Variants in KIF1B observed in about 807,000 individuals in gnomAD.
KIF1B encodes kinesin family member 1B.
A neutral mutation model predicts 241.9 loss-of-function variants in KIF1B; 76 were observed. The ratio of observed to expected loss-of-function variants is 0.31; its 90% CI spans 0.26 to 0.38. The LOEUF is 0.38. Ranked by LOEUF, KIF1B falls within the 10% of genes least tolerant of loss-of-function variation. KIF1B has a pLI of 1.00. For synonymous variants in KIF1B, 750 were observed against 796.7 expected, an observed-to-expected ratio of 0.94 and a Z score of 0.99; for missense variants, 1,622 against 2,271.4, an observed-to-expected ratio of 0.71 and a Z score of 5.81.
At chr1:10,286,062 CAG>C (rs1360767398) in intron 15 of KIF1B, among the ~76,000 whole-genome samples, 3 of 150,782 alleles carry the variant, frequency 2.0e-5, no homozygotes, top group East Asian at 1.9e-4. Context: ...TTTTTTGAGA[CAG>C]AGTCTTGCTC....
chr1:10,310,574 C>T (rs944278855), intron 22 of KIF1B, among the ~76,000 whole-genome samples: 6 of 151,578 alleles, frequency 4.0e-5, no homozygotes, highest in Admixed American at 1.3e-4. Context: ...CTGGATCTAG[C>T]CCGAAGGCCA....
intron 3 of KIF1B, 33 bp from the exon 4 acceptor site, chr1:10,258,460 A>G: frequency 6.3e-7 from 1 of 1,595,644 alleles, no homozygotes; most frequent in Non-Finnish European, 8.6e-7. Flanking sequence ...ATATTAATAA[A>G]AGGTTATTTA....
At chr1:10,369,400 G>A (rs1638662464) in intron 44 of KIF1B, among the ~76,000 whole-genome samples, 1 of 152,212 alleles carries the variant, frequency 6.6e-6, no homozygotes, top group Non-Finnish European at 1.5e-5. Flanking sequence ...AGGCCAAGAT[G>A]AGGGGATCGC....
chr1:10,281,361 C>G (rs1649396956), intron 14 of KIF1B, among the ~76,000 whole-genome samples: 1 of 152,116 alleles, frequency 6.6e-6, no homozygotes, highest in South Asian at 2.1e-4. Context: ...AAAGAAAGTA[C>G]AAACAGCAAA....
intron 19 of KIF1B, 25 bp from the exon 20 acceptor site, chr1:10,296,557 A>G (rs1269427492): frequency 1.0e-5 from 16 of 1,572,750 alleles, no homozygotes; most frequent in Non-Finnish European, 1.3e-5. Context: ...TAATGATAAC[A>G]TTAGTTTGTG....
intron 1 of KIF1B, among the ~76,000 whole-genome samples, chr1:10,215,162 A>ATT (rs1646748645): frequency 1.4e-5 from 1 of 71,234 alleles, no homozygotes; most frequent in Non-Finnish European, 2.5e-5. Context: ...ATATATATAT[A>ATT]TATATATATA....
chr1:10,302,078 T>C (rs1198421015), intron 22 of KIF1B, among the ~76,000 whole-genome samples: 1 of 152,232 alleles, frequency 6.6e-6, no homozygotes, highest in African/African-American at 2.4e-5. Context: ...TCACTTAAAG[T>C]GATATTCCTC....
Position 10,232,255 on chromosome 1 carries a change from T to G in KIF1B, c.-74T>G. Reference sequence around the variant, plus strand: ...GAATTTTTTTCTTTTCAAAGGAAACTTGGCTGTAACTTCAAAAGAAGATTT... The same window carrying G: ...GAATTTTTTTCTTTTCAAAGGAAACGTGGCTGTAACTTCAAAAGAAGATTT... On this transcript the variant is annotated 5_prime_UTR_variant, in exon 2 of 49. Transcript: ENST00000676179. The G allele has an allele frequency of 8.4e-7, 1 of 1,186,106 alleles. No individual in the cohort carries two copies. The allele number at this position is 1,186,106 out of a possible 1,614,324, so 73.5% of individuals were successfully genotyped here.
At chr1:10,211,764 T>C (rs1646696558) in intron 1 of KIF1B, 1 of 152,100 alleles carries the variant, frequency 6.6e-6, no homozygotes, top group South Asian at 2.1e-4. Context: ...GATTCCATTC[T>C]TGTTGGGGTG....
chr1:10,345,819 T>G (rs762470027), intron 34 of KIF1B, 26 bp from the exon 35 acceptor site: 2 of 1,576,102 alleles, frequency 1.3e-6, no homozygotes, highest in Admixed American at 1.7e-5. Context: ...GACCAGATTT[T>G]GACATACTCT....
intron 1 of KIF1B, among the ~76,000 whole-genome samples, chr1:10,225,872 G>C (rs1646902577): frequency 6.6e-6 from 1 of 152,146 alleles, no homozygotes; most frequent in Non-Finnish European, 1.5e-5. Flanking sequence ...GAACTTGGAG[G>C]ATTTTGAAGT....
intron 19 of KIF1B, 32 bp from the exon 20 acceptor site, chr1:10,296,550 T>G: frequency 6.5e-7 from 1 of 1,543,636 alleles, no homozygotes. Flanking sequence ...TAGTTTGTAA[T>G]GATAACATTA....
intron 27 of KIF1B, among the ~76,000 whole-genome samples, chr1:10,332,501 A>T (rs1342787591): frequency 1.4e-3 from 80 of 58,680 alleles, no homozygotes; most frequent in East Asian, 0.011. Context: ...GATAATAGTC[A>T]TTTTTTTTTT....
At chr1:10,312,052 T>C (rs12753426) in intron 22 of KIF1B, among the ~76,000 whole-genome samples, 48,532 of 150,988 alleles carry the variant, frequency 0.32, 8,410 homozygotes, top group Admixed American at 0.37. Flanking sequence ...ACCTCTGCCC[T>C]GCCTCGCCTT....
rs754917719 is a variant in KIF1B, at chr1:10,232,318, A to C, written c.-11A>C. On this transcript the variant is annotated 5_prime_UTR_variant, in exon 2 of 49. Coordinates refer to ENST00000676179, the MANE Select transcript of KIF1B (RefSeq NM_001365951.3). ...CTGGACTGCATATATATATATAACAAGGCCATTAAAATGTCGGGAGCCTCA... is the reference window on the plus strand; with the variant it reads ...CTGGACTGCATATATATATATAACACGGCCATTAAAATGTCGGGAGCCTCA... 1 of 1,565,316 alleles carries C rather than the reference A, an allele frequency of 6.4e-7. No homozygotes were observed.
At chr1:10,246,884 C>CA (rs1272386907) in intron 2 of KIF1B, among the ~76,000 whole-genome samples, 1 of 152,038 alleles carries the variant, frequency 6.6e-6, no homozygotes, top group Non-Finnish European at 1.5e-5. Context: ...TTTTTGTAGT[C>CA]AGAGTCAGAG....
At chr1:10,246,014 T>C (rs1248889918) in intron 2 of KIF1B, among the ~76,000 whole-genome samples, 1 of 152,200 alleles carries the variant, frequency 6.6e-6, no homozygotes, top group Non-Finnish European at 1.5e-5. Context: ...CTTCTAGTTC[T>C]GGGGGCTTAA....
chr1:10,324,631 C>A (rs1651654308), intron 25 of KIF1B, 127 bp from the exon 26 acceptor site: 5 of 1,117,538 alleles, frequency 4.5e-6, no homozygotes, highest in Non-Finnish European at 5.3e-6. Flanking sequence ...TTTTTAGTAA[C>A]ATTAAACAGT....
chr1:10,254,651 T>C (rs7522615), intron 2 of KIF1B, among the ~76,000 whole-genome samples: 151,473 of 151,892 alleles, frequency 1, 75,529 homozygotes, highest in Middle Eastern at 1. Flanking sequence ...CCGAGGCGGG[T>C]GGATCACAAG....
Sources: gnomAD v4.1 joint callset for allele counts (sites outside exome capture counted in the v4.1 genomes callset) on GRCh38, gnomAD v4.1.1 for gene constraint, MANE v1.5 for transcripts, NCBI Gene and HGNC (gene_info 2026-07-23, HGNC 2026-07-21) for gene names.